The following RAB10 variants were observed in gnomAD, a reference collection of about 807,000 sequenced individuals.
RAB10 encodes RAB10, member RAS oncogene family.
In RAB10, 5 loss-of-function variants were observed where a neutral mutation model predicts 25.7. The ratio of observed to expected loss-of-function variants is 0.19; its 90% CI spans 0.10 to 0.41. The LOEUF (loss-of-function observed/expected upper bound fraction) is 0.41, where lower values mean the gene tolerates loss of function less well. Ranked by LOEUF, RAB10 falls within the 10% of genes least tolerant of loss-of-function variation. RAB10 has a pLI of 1.00. For missense variants in RAB10, 103 were observed against 245.8 expected (o/e 0.42, Z 3.89); for synonymous variants, 89 against 86.4 (o/e 1.03, Z -0.16).
chr2:26,130,086 A>G (rs1191889070), intron 5 of RAB10, among the ~76,000 whole-genome samples: 1 of 152,126 alleles, frequency 6.6e-6, no homozygotes, highest in Non-Finnish European at 1.5e-5. Context: ...GGGCAGATTC[A>G]TTTACCGACT....
At position 26,043,213 on chromosome 2, in the gene RAB10, G is replaced by A. The variant is rs570564933; in HGVS notation, c.127+8478G>A. Among the ~76,000 whole-genome samples the A allele has an allele frequency of 1.3e-4, 20 of 152,322 alleles. No individual in the cohort carries two copies. The East Asian group carries it at 1.3e-3, about 10-fold the overall frequency. ...GAGGCCAGATTACTTGGGCTCAGGAGTTCAAGACCAGCCTGGGCAACATGG... is the reference window on the plus strand; with the variant it reads ...GAGGCCAGATTACTTGGGCTCAGGAATTCAAGACCAGCCTGGGCAACATGG... On this transcript the variant is annotated intron_variant, in intron 1 of 5. Coordinates refer to ENST00000264710, the MANE Select transcript of RAB10 (RefSeq NM_016131.5).
In RAB10 at chr2:26,034,270, T is replaced by G. The variant is rs1373341157; in HGVS notation, c.-339T>G. 1.2e-5 allele frequency: 6 copies of G among 504,130 alleles called. No individual in the cohort carries two copies. Among genetic ancestry groups the G allele is most frequent in the Non-Finnish European group, 2.1e-5 (6 of 283,416 alleles). The allele number at this position is 504,130 out of a possible 1,614,324, so 31.2% of individuals were successfully genotyped here. A position where few individuals can be genotyped will look rare whatever the true frequency, so the allele number is the denominator to read the frequency against. ...AGACTGTCCTCACGCCCGCTGCGCC[T>G]CCTCGACGGCAGAGCAGGCTTGCTC... On this transcript the variant is annotated 5_prime_UTR_variant, in exon 1 of 6. Coordinates refer to ENST00000264710, the MANE Select transcript of RAB10 (RefSeq NM_016131.5).
chr2:26,101,236 T>C (rs543700085), intron 2 of RAB10: 1 of 152,282 alleles, frequency 6.6e-6, no homozygotes, highest in South Asian at 2.1e-4. Flanking sequence ...CTTACTATGC[T>C]TTTTACCATG....
intron 2 of RAB10, among the ~76,000 whole-genome samples, chr2:26,103,238 C>A (rs1057374705): frequency 6.6e-6 from 1 of 152,074 alleles, no homozygotes; most frequent in Admixed American, 6.5e-5. Flanking sequence ...AGTTAATATT[C>A]GGATTGATGG....
At chr2:26,048,121 A>G (rs1666056077) in intron 1 of RAB10, among the ~76,000 whole-genome samples, 1 of 151,212 alleles carries the variant, frequency 6.6e-6, no homozygotes, top group African/African-American at 2.4e-5. Flanking sequence ...ATTGACCGAC[A>G]TCTGGGCTGA....
At chr2:26,044,902 G>C (rs1665964953) in intron 1 of RAB10, among the ~76,000 whole-genome samples, 1 of 151,770 alleles carries the variant, frequency 6.6e-6, no homozygotes, top group South Asian at 2.1e-4. Context: ...TGCTCATTCT[G>C]AGAATTTCAT....
At chr2:26,112,209 T>C (rs540479513) in intron 3 of RAB10, among the ~76,000 whole-genome samples, 12 of 152,186 alleles carry the variant, frequency 7.9e-5, no homozygotes, top group Admixed American at 5.9e-4. Context: ...GAATTGAAGT[T>C]CCATCACTTA....
At chr2:26,067,166 C>T (rs932635599) in intron 1 of RAB10, among the ~76,000 whole-genome samples, 7 of 152,220 alleles carry the variant, frequency 4.6e-5, no homozygotes, top group South Asian at 2.1e-4. Context: ...ATCCTCCTGC[C>T]GTGGCCTTCC....
At chr2:26,064,077 A>G (rs1473372722) in intron 1 of RAB10, among the ~76,000 whole-genome samples, 1 of 152,140 alleles carries the variant, frequency 6.6e-6, no homozygotes, top group Non-Finnish European at 1.5e-5. Context: ...TTCTCAATTC[A>G]TCCAGTAGGA....
chr2:26,112,900 G>A (rs1667604227), intron 3 of RAB10, among the ~76,000 whole-genome samples: 1 of 152,088 alleles, frequency 6.6e-6, no homozygotes, highest in South Asian at 2.1e-4. Flanking sequence ...GGTCGACATG[G>A]TGAAACCCTG....
In RAB10 at chr2:26,134,956, A is replaced by C. The variant is rs1490930223; in HGVS notation, c.538A>C (p.Asn180His). ...GTTGCAGACCCCTGTAAAAGAGCCC[A>C]ACAGTGAAAATGTAGATATCAGCAG... is the stretch of plus-strand genomic sequence containing the variant. ...ILRKTPVKEP[N>H]SENVDISSGG... is the part of the protein sequence containing the mutation. The change falls in exon 6 of 6, where the codon AAC becomes CAC. Residue 180 changes from asparagine (N) to histidine (H), a missense_variant. Physicochemically the swap from Asn to His is moderately conservative, Grantham distance 68. This residue lies in a region of RAB10 where 24 missense variants were observed against 28.0 expected (regional missense o/e 0.86). Coordinates refer to ENST00000264710, the MANE Select transcript of RAB10 (RefSeq NM_016131.5). 6.2e-7 allele frequency: 1 copy of C among 1,613,784 alleles called. No homozygotes were observed. Among genetic ancestry groups the C allele is most frequent in the Admixed American group, 1.7e-5 (1 of 59,988 alleles).
chr2:26,089,744 T>C (rs1471339118), intron 1 of RAB10, among the ~76,000 whole-genome samples: 1 of 152,216 alleles, frequency 6.6e-6, no homozygotes, highest in East Asian at 1.9e-4. Flanking sequence ...CTTCTTGTTA[T>C]GGAAGATGAG....
In RAB10 at chr2:26,124,376, ATTG is replaced by A. The variant is rs1667863654; in HGVS notation, c.328-2758_328-2756del. ...CAGTTTTGTTGCTGTTGTTTTTCTTATTGTTGTTGTTGCTTTTTTTTTTTTTTT... is the reference window on the plus strand; with the variant it reads ...CAGTTTTGTTGCTGTTGTTTTTCTTATTGTTGTTGCTTTTTTTTTTTTTTT... On this transcript the variant is annotated intron_variant, in intron 3 of 5. Coordinates refer to ENST00000264710, the MANE Select transcript of RAB10 (RefSeq NM_016131.5). Among the ~76,000 whole-genome samples, 3 of 27,106 alleles carry A rather than the reference ATTG, an allele frequency of 1.1e-4. No homozygotes were observed. In the South Asian group the frequency reaches 3.5e-3, roughly 32 times the overall value. 17.8% of individuals were successfully genotyped at this position (27,106 alleles called of 152,430 possible).
rs548792800 is a variant in RAB10 at position 26,035,142 on chromosome 2, G to A, written c.127+407G>A. On this transcript the variant is annotated intron_variant, in intron 1 of 5. Coordinates refer to ENST00000264710, the MANE Select transcript of RAB10 (RefSeq NM_016131.5). ...GGAAAGGCCTGAATTTATACTTTGGGGCAAAGAAAAGATTCCATATGGTGA... is the reference window on the plus strand; with the variant it reads ...GGAAAGGCCTGAATTTATACTTTGGAGCAAAGAAAAGATTCCATATGGTGA... Among the ~76,000 whole-genome samples the A allele has an allele frequency of 2.6e-5, 4 of 152,238 alleles. No homozygotes were observed. In the South Asian group the frequency reaches 6.2e-4, roughly 24 times the overall value.
At chr2:26,057,159 A>G (rs1666283855) in intron 1 of RAB10, among the ~76,000 whole-genome samples, 1 of 152,210 alleles carries the variant, frequency 6.6e-6, no homozygotes, top group Non-Finnish European at 1.5e-5. Context: ...TAACGTGTCC[A>G]GTAGACATTT....
intron 2 of RAB10, among the ~76,000 whole-genome samples, chr2:26,099,532 G>T (rs113599365): frequency 2.7e-4 from 20 of 73,334 alleles, no homozygotes; most frequent in East Asian, 8.8e-4. Flanking sequence ...GTTTTTTTGG[G>T]TTTTTTTTTT....
At chr2:26,064,958 T>C (rs1559582552) in intron 1 of RAB10, among the ~76,000 whole-genome samples, 1 of 152,222 alleles carries the variant, frequency 6.6e-6, no homozygotes, top group Non-Finnish European at 1.5e-5. Flanking sequence ...CTCAGGAGGC[T>C]GAGGCAGGAG....
chr2:26,041,543 CAAAAAAAAAAA>C (rs1230627488), intron 1 of RAB10, among the ~76,000 whole-genome samples: 2 of 44,628 alleles, frequency 4.5e-5, no homozygotes, highest in African/African-American at 1.7e-4. Flanking sequence ...GACGCTGACT[CAAAAAAAAAAA>C]AAAAAAAAAA....
intron 1 of RAB10, among the ~76,000 whole-genome samples, chr2:26,097,672 C>T (rs1418563337): frequency 6.6e-6 from 1 of 152,146 alleles, no homozygotes; most frequent in East Asian, 1.9e-4. Flanking sequence ...GGTATGTATT[C>T]TGTTGCTGTT....
Sources: allele counts gnomAD v4.1 joint callset (sites outside exome capture counted in the v4.1 genomes callset), GRCh38; gene constraint gnomAD v4.1.1; regional missense constraint gnomAD v4.1.1; transcripts MANE v1.5; gene names NCBI Gene and HGNC (gene_info 2026-07-23, HGNC 2026-07-21).